The following GLIPR1L1 variants were observed in gnomAD, a reference collection of about 807,000 sequenced individuals.
GLIPR1L1 encodes the protein GLIPR1 like 1.
GLIPR1L1 carries 26 observed loss-of-function variants against 29.9 expected under a neutral mutation model. The observed-to-expected ratio is 0.87, with a 90% CI of 0.64 to 1.21. GLIPR1L1 has a LOEUF of 1.21. Among genes scored for constraint, GLIPR1L1 ranks in the 50% most tolerant of loss-of-function variants. GLIPR1L1 has a pLI of 0.00. For synonymous variants in GLIPR1L1, 77 were observed against 97.5 expected, an observed-to-expected ratio of 0.79 and a Z score of 1.24; for missense variants, 305 against 290.3, an observed-to-expected ratio of 1.05 and a Z score of -0.37.
intron 1 of GLIPR1L1, among the ~76,000 whole-genome samples, chr12:75,342,130 A>G (rs1188827166): frequency 1.3e-5 from 2 of 152,176 alleles, no homozygotes; most frequent in Admixed American, 1.3e-4. Context: ...TAGTGTGGGT[A>G]GTGAGTGGTT....
chr12:75,341,120 T>C (rs1175252150), intron 1 of GLIPR1L1, among the ~76,000 whole-genome samples: 1 of 152,144 alleles, frequency 6.6e-6, no homozygotes, highest in African/African-American at 2.4e-5. Flanking sequence ...TCTTTTTTCC[T>C]AGAAAAAGGA....
chr12:75,346,766 T>G (rs2042477949), intron 2 of GLIPR1L1, among the ~76,000 whole-genome samples: 2 of 152,182 alleles, frequency 1.3e-5, no homozygotes. Flanking sequence ...AGGACAAGGC[T>G]ATAGAAAACA....
intron 1 of GLIPR1L1, among the ~76,000 whole-genome samples, chr12:75,339,658 G>C (rs1339991689): frequency 6.6e-6 from 1 of 151,994 alleles, no homozygotes; most frequent in African/African-American, 2.4e-5. Context: ...TGAAATATTT[G>C]CCCGTGCCTA....
At position 75,370,201 on chromosome 12, in the gene GLIPR1L1, C is replaced by A. The variant is rs779652305; in HGVS notation, c.*25C>A. 33 of 1,162,008 alleles carry A rather than the reference C, an allele frequency of 2.8e-5. No homozygotes were observed. Among genetic ancestry groups the A allele is most frequent in the Admixed American group, 8.6e-5 (5 of 57,854 alleles). 72.0% of individuals were successfully genotyped at this position (1,162,008 alleles called of 1,614,324 possible). ...ATGTCATTTATATACAAAAGAAATT[C>A]TCAAATGTTAAAATAAAGGAATAGT... is the stretch of plus-strand genomic sequence containing the variant. On this transcript the variant is annotated 3_prime_UTR_variant, in exon 6 of 6. Coordinates refer to ENST00000378695, the MANE Select transcript of GLIPR1L1 (RefSeq NM_001304964.2).
chr12:75,351,992 A>G (rs552168153), intron 3 of GLIPR1L1, among the ~76,000 whole-genome samples: 1 of 152,348 alleles, frequency 6.6e-6, no homozygotes, highest in African/African-American at 2.4e-5. Flanking sequence ...GCCTTGCAAG[A>G]GCTCCTGAAG....
rs1440438998 is a variant in GLIPR1L1 at position 75,366,769 on chromosome 12, ATG to A, written c.611-3187_611-3186del. ...ACCAATGAGTCATTTCCACGCTCTT[ATG>A]TGTCTCAGTTTCTCTCTTCAGAGGT... On this transcript the variant is annotated intron_variant, in intron 4 of 5. Transcript: ENST00000378695. The A allele has an allele frequency of 4.5e-6, 3 of 663,772 alleles. No homozygotes were observed. The African/African-American group carries it at 5.4e-5, about 12-fold the overall frequency. The allele number at this position is 663,772 out of a possible 1,614,324, so 41.1% of individuals were successfully genotyped here.
intron 3 of GLIPR1L1, among the ~76,000 whole-genome samples, chr12:75,361,444 C>A (rs1214112938): frequency 7.2e-5 from 11 of 152,310 alleles, no homozygotes; most frequent in Admixed American, 7.2e-4. Flanking sequence ...AGGAACCCAA[C>A]CCTATCTGCC....
intron 2 of GLIPR1L1, among the ~76,000 whole-genome samples, chr12:75,345,060 A>G (rs1407554972): frequency 3.3e-5 from 5 of 152,088 alleles, no homozygotes; most frequent in African/African-American, 1.2e-4. Flanking sequence ...TGAATAGATG[A>G]TGAGGACCCT....
chr12:75,356,419 T>C (rs548920509), intron 3 of GLIPR1L1, among the ~76,000 whole-genome samples: 38 of 152,298 alleles, frequency 2.5e-4, no homozygotes, highest in Middle Eastern at 3.4e-3. Flanking sequence ...ATATTGTATA[T>C]GTAAAATTGA....
chr12:75,357,545 A>G (rs2043232322), intron 3 of GLIPR1L1, among the ~76,000 whole-genome samples: 1 of 152,128 alleles, frequency 6.6e-6, no homozygotes, highest in South Asian at 2.1e-4. Context: ...ACCCCAAAAC[A>G]GAGGAATATA....
Position 75,367,070 on chromosome 12 carries a change from AG to A in GLIPR1L1, c.611-2889del, listed in dbSNP as rs1311095151. The stretch of plus-strand genomic sequence containing the variant: ...GTTTAAGTTTCTCACAAAAATGCAC[AG>A]ACAAGCCAACTGAGATTAATTTGGG... On this transcript the variant is annotated intron_variant, in intron 4 of 5. Transcript: ENST00000378695. 3 of 698,722 alleles carry A rather than the reference AG, an allele frequency of 4.3e-6. No individual in the cohort carries two copies. In the African/African-American group the frequency reaches 5.3e-5, roughly 12 times the overall value. 43.3% of individuals were successfully genotyped at this position (698,722 alleles called of 1,614,324 possible). A position where few individuals can be genotyped will look rare whatever the true frequency, so the allele number is the denominator to read the frequency against.
intron 1 of GLIPR1L1, among the ~76,000 whole-genome samples, chr12:75,335,945 G>C (rs963040276): frequency 4.6e-5 from 7 of 151,802 alleles, no homozygotes; most frequent in Non-Finnish European, 1.0e-4. Flanking sequence ...TAAATGTGGG[G>C]TTAAATATAA....
At chr12:75,337,785 G>C (rs377542554) in intron 1 of GLIPR1L1, among the ~76,000 whole-genome samples, 2 of 151,856 alleles carry the variant, frequency 1.3e-5, no homozygotes, top group African/African-American at 4.8e-5. Flanking sequence ...CCTAATAAAA[G>C]TATTGCTTAT....
At chr12:75,352,260 C>A (rs1442514456) in intron 3 of GLIPR1L1, among the ~76,000 whole-genome samples, 1 of 152,124 alleles carries the variant, frequency 6.6e-6, no homozygotes, top group Non-Finnish European at 1.5e-5. Flanking sequence ...ATTCAAGAGA[C>A]CCATCTCACA....
In GLIPR1L1 at chr12:75,343,507, T is replaced by C. The variant is rs1367558242; in HGVS notation, c.175-186T>C. Among the ~76,000 whole-genome samples, 5 of 152,164 alleles carry C rather than the reference T, an allele frequency of 3.3e-5. No homozygotes were observed. In the East Asian group the frequency reaches 9.6e-4, roughly 29 times the overall value. ...TAACAATGAACTGTCATAGAGTGAG[T>C]ATAAATAAGTATTTCTGAAGTAGAA... On this transcript the variant is annotated intron_variant, in intron 1 of 5. Coordinates refer to ENST00000378695, the MANE Select transcript of GLIPR1L1 (RefSeq NM_001304964.2).
At position 75,334,787 on chromosome 12, in the gene GLIPR1L1, C is replaced by T; in HGVS notation, c.59C>T (p.Thr20Ile). The T allele has an allele frequency of 1.9e-6, 3 of 1,614,094 alleles. No homozygotes were observed. The highest frequency in any genetic ancestry group is 2.5e-6 in the Non-Finnish European group (3 of 1,179,958). The change falls in exon 1 of 6, where the codon ACT becomes ATT. Residue 20 changes from threonine (T) to isoleucine (I), a missense_variant. Thr to Ile is a moderately conservative substitution (Grantham distance 89). Coordinates refer to ENST00000378695, the MANE Select transcript of GLIPR1L1 (RefSeq NM_001304964.2). ...ATCTTGGGTCTGTGTTTGGTAGCCA[C>T]TACATCTTCCAAAATCCCATCCATC... Reference protein sequence around the residue: ...LWILGLCLVATTSSKIPSITD... With the variant: ...LWILGLCLVAITSSKIPSITD...
In GLIPR1L1 at chr12:75,362,853, C is replaced by T. The variant is rs190475689; in HGVS notation, c.522-249C>T. On this transcript the variant is annotated intron_variant, in intron 3 of 5. Coordinates refer to ENST00000378695, the MANE Select transcript of GLIPR1L1 (RefSeq NM_001304964.2). The stretch of plus-strand genomic sequence containing the variant: ...TTTGCAACTATCACATGCATAATTA[C>T]ACTGGGTTCACATCTCATTATTCTT... Among the ~76,000 whole-genome samples, 4 of 152,292 alleles carry T rather than the reference C, an allele frequency of 2.6e-5. No individual in the cohort carries two copies. In the East Asian group the frequency reaches 5.8e-4, roughly 22 times the overall value.
intron 1 of GLIPR1L1, among the ~76,000 whole-genome samples, chr12:75,343,341 G>C (rs181438423): frequency 4.0e-4 from 61 of 151,994 alleles, no homozygotes; most frequent in African/African-American, 1.4e-3. Context: ...AATTATCAAT[G>C]AGTATTCATC....
intron 3 of GLIPR1L1, among the ~76,000 whole-genome samples, chr12:75,353,986 G>C (rs1282204901): frequency 1.3e-5 from 2 of 151,940 alleles, no homozygotes; most frequent in Non-Finnish European, 2.9e-5. Context: ...AATTGAAGGA[G>C]CATACATCAA....
Sources: allele counts gnomAD v4.1 joint callset (sites outside exome capture counted in the v4.1 genomes callset), GRCh38; gene constraint gnomAD v4.1.1; transcripts MANE v1.5; gene names NCBI Gene and HGNC (gene_info 2026-07-23, HGNC 2026-07-21).